Variants in RGS12 observed in about 807,000 individuals in gnomAD.
RGS12 encodes the protein regulator of G protein signaling 12.
A neutral mutation model predicts 120.1 loss-of-function variants in RGS12; 66 were observed. The ratio of observed to expected loss-of-function variants is 0.55; its 90% CI spans 0.45 to 0.67. RGS12 has a LOEUF of 0.67. Among genes scored for constraint, RGS12 ranks in the 30% least tolerant of loss-of-function variants. The probability of loss-of-function intolerance (pLI) is 0.00; values close to 1 mark genes in which losing one functional copy is unlikely to be tolerated. For synonymous variants in RGS12, 827 were observed against 804.7 expected (o/e 1.03, Z -0.47); for missense variants, 1,859 against 1,957.7 (o/e 0.95, Z 0.95).
At chr4:3,288,041 C>A (rs1019228105), upstream of RGS12, among the ~76,000 whole-genome samples, 1 of 152,232 alleles carries the variant, frequency 6.6e-6, no homozygotes, top group Non-Finnish European at 1.5e-5. This position sits in a 1 kb window ranked among gnomAD's most constrained non-coding sequence, Gnocchi z 5.2. Context: ...CTCCCATGGC[C>A]GAGCCGTCGA....
At chr4:3,293,502 G>A (rs897396884) in intron 1 of RGS12, among the ~76,000 whole-genome samples, 3 of 151,952 alleles carry the variant, frequency 2.0e-5, no homozygotes, top group African/African-American at 7.2e-5. Flanking sequence ...GGGTTCCCTC[G>A]TCGGACTCCA....
At chr4:3,368,492 CTGTG>C (rs1216660738) in intron 3 of RGS12, among the ~76,000 whole-genome samples, 4 of 90,934 alleles carry the variant, frequency 4.4e-5, no homozygotes, top group Non-Finnish European at 6.3e-5. Flanking sequence ...TGTGAGGTGC[CTGTG>C]TGTGTGTGGG....
chr4:3,396,692 A>AGTCTTCATTTT (rs1486442238), intron 4 of RGS12, among the ~76,000 whole-genome samples: 1 of 152,130 alleles, frequency 6.6e-6, no homozygotes, highest in East Asian at 1.9e-4. Context: ...CTAGTGCTAT[A>AGTCTTCATTTT]GTCTTCATTT....
chr4:3,388,445 G>A (rs1305974636), intron 4 of RGS12, among the ~76,000 whole-genome samples: 2 of 152,234 alleles, frequency 1.3e-5, no homozygotes, highest in Non-Finnish European at 2.9e-5. Flanking sequence ...GTCACATTCT[G>A]CCGTTGTTAG....
intron 1 of RGS12, among the ~76,000 whole-genome samples, chr4:3,296,395 G>C (rs1241055753): frequency 2.0e-5 from 3 of 150,414 alleles, no homozygotes; most frequent in Non-Finnish European, 4.4e-5. Context: ...TCACTATGTT[G>C]CCCAGGCTGA....
At chr4:3,397,885 A>G (rs764199772) in intron 4 of RGS12, among the ~76,000 whole-genome samples, 2 of 152,224 alleles carry the variant, frequency 1.3e-5, no homozygotes, top group Non-Finnish European at 2.9e-5. Context: ...AAGATGCTGA[A>G]GATGTGGTTT....
chr4:3,383,223 T>C (rs903683555), intron 3 of RGS12, among the ~76,000 whole-genome samples: 2 of 152,124 alleles, frequency 1.3e-5, no homozygotes, highest in African/African-American at 2.4e-5. Flanking sequence ...CCTAGTGGCA[T>C]TGGCATTTTC....
At chr4:3,325,379 G>C (rs767240484) in intron 2 of RGS12, among the ~76,000 whole-genome samples, 9 of 152,196 alleles carry the variant, frequency 5.9e-5, no homozygotes, top group Non-Finnish European at 8.8e-5. Flanking sequence ...AATCCCCAAT[G>C]TGACAGTATT....
intron 4 of RGS12, among the ~76,000 whole-genome samples, chr4:3,393,663 T>G (rs541116423): frequency 6.6e-6 from 1 of 152,324 alleles, no homozygotes; most frequent in Non-Finnish European, 1.5e-5. Context: ...TTTTCTTTTT[T>G]CTGTCTTTTC....
In RGS12 at chr4:3,430,856, G is replaced by C; in HGVS notation, c.4015G>C (p.Glu1339Gln). ...IQTVEDEHVA[E>Q]LTLMGEGDIS... ...GACGGTGGAGGATGAGCACGTGGCC[G>C]AGCTGACCCTGATGGGGGAGGGGGA... Residue 1339 changes from glutamate to glutamine, a missense_variant, in exon 17 of 18, where the codon GAG (glutamate) becomes CAG (glutamine). Physicochemically the swap from Glu to Gln is conservative, Grantham distance 29 (BLOSUM62 2). Around this residue, in one of 3 missense-constraint regions of RGS12, gnomAD observed 517 missense variants for 488.5 expected, o/e 1.06. Transcript: ENST00000336727. 1.2e-6 allele frequency: 2 copies of C among 1,612,046 alleles called. No individual in the cohort carries two copies. The highest frequency in any genetic ancestry group is 1.7e-6 in the Non-Finnish European group (2 of 1,179,654).
chr4:3,395,960 C>G (rs543756195), intron 4 of RGS12, among the ~76,000 whole-genome samples: 20 of 152,288 alleles, frequency 1.3e-4, no homozygotes, highest in Admixed American at 2.6e-4. Flanking sequence ...CCTACCCATA[C>G]CTTCCTGGGT....
intron 4 of RGS12, among the ~76,000 whole-genome samples, chr4:3,397,374 G>A (rs1042885909): frequency 2.0e-5 from 3 of 152,372 alleles, no homozygotes; most frequent in Admixed American, 2.0e-4. Context: ...GCAGAGCTGA[G>A]ACCTGACAGA....
intron 3 of RGS12, among the ~76,000 whole-genome samples, chr4:3,351,308 A>G (rs528070650): frequency 6.6e-6 from 1 of 152,230 alleles, no homozygotes; most frequent in East Asian, 1.9e-4. Flanking sequence ...AATAATTTTT[A>G]TGTCAGACAG....
At position 3,317,735 on chromosome 4, in the gene RGS12, C is replaced by T; in HGVS notation, c.1565C>T (p.Ser522Phe). 1 of 1,613,572 alleles carries T rather than the reference C, an allele frequency of 6.2e-7. No individual in the cohort carries two copies. Among genetic ancestry groups the T allele is most frequent in the Middle Eastern group, 1.6e-4 (1 of 6,062 alleles). ...TCCTTGAGGAGCTCAGTCCCCCCTT[C>T]CAAGAGGGGCACCGTGGGTGCTGGC... Reference protein sequence around the residue: ...PASLRSSVPPSKRGTVGAGCG... With the variant: ...PASLRSSVPPFKRGTVGAGCG... Residue 522 changes from serine to phenylalanine, a missense_variant, in exon 2 of 18, where the codon TCC becomes TTC. Transcript: ENST00000336727.
chr4:3,412,949 CA>C (rs1321287857), intron 4 of RGS12: 1 of 152,260 alleles, frequency 6.6e-6, no homozygotes, highest in Admixed American at 6.5e-5. Flanking sequence ...CACTCTGGGA[CA>C]GGGGCGCCCC....
chr4:3,307,160 T>C (rs1015332586), intron 1 of RGS12, among the ~76,000 whole-genome samples: 1 of 152,220 alleles, frequency 6.6e-6, no homozygotes. Flanking sequence ...GTGTTGCCGC[T>C]GGCTGCTTTT....
Position 3,316,944 on chromosome 4 carries a change from C to A in RGS12, c.774C>A (p.Cys258Ter). ...ACAGCTTGCAAGCCATCCGCGGCTG[C>A]ATGCGGCGCCTGCGGGCAGAGCAGA... Reference protein sequence around the residue: ...ESDSLQAIRGCMRRLRAEQKI... With the variant: ...ESDSLQAIRG Residue 258 changes from cysteine (C) to a stop codon, truncating the protein, a stop_gained, in exon 2 of 18, where the codon TGC becomes TGA. Coordinates refer to ENST00000336727, the MANE Select transcript of RGS12 (RefSeq NM_001394154.1). LOFTEE classifies it high-confidence loss of function. 1 of 1,613,968 alleles carries A rather than the reference C, an allele frequency of 6.2e-7. No individual in the cohort carries two copies. Among genetic ancestry groups the A allele is most frequent in the Non-Finnish European group, 8.5e-7 (1 of 1,180,052 alleles).
chr4:3,414,700 A>G (rs1295977517), intron 5 of RGS12, 52 bp from the exon 6 acceptor site: 1 of 1,336,308 alleles, frequency 7.5e-7, no homozygotes, highest in Non-Finnish European at 1.1e-6. Flanking sequence ...GGAAGTAGGA[A>G]AAAGGAGGAC....
intron 3 of RGS12, among the ~76,000 whole-genome samples, chr4:3,362,696 GGT>G (rs751448821): frequency 9.2e-5 from 13 of 140,942 alleles, no homozygotes; most frequent in South Asian, 2.4e-4. Flanking sequence ...TGTGTGTGAG[GGT>G]GTGTGTGAGG....
Sources: allele counts gnomAD v4.1 joint callset (sites outside exome capture counted in the v4.1 genomes callset), GRCh38; gene constraint gnomAD v4.1.1; regional missense constraint gnomAD v4.1.1; non-coding constraint Gnocchi (gnomAD v3.1); transcripts MANE v1.5; gene names NCBI Gene and HGNC (gene_info 2026-07-23, HGNC 2026-07-21).